PATJ: variants seen among roughly 807,000 people sequenced by gnomAD.
PATJ encodes PATJ crumbs cell polarity complex component, also known as inaD-like protein.
A neutral mutation model predicts 224.9 loss-of-function variants in PATJ; 190 were observed. The ratio of observed to expected loss-of-function variants is 0.84; its 90% confidence interval spans 0.75 to 0.95. PATJ has a LOEUF of 0.95. Among genes scored for constraint, PATJ ranks in the 40% least tolerant of loss-of-function variants. The pLI is 0.00. For synonymous variants in PATJ, 769 were observed against 820.3 expected (o/e 0.94, Z 1.07); for missense variants, 2,121 against 2,270.3 (o/e 0.93, Z 1.34).
chr1:62,035,092 T>C (rs2067881), intron 29 of PATJ, among the ~76,000 whole-genome samples: 57,158 of 152,030 alleles, frequency 0.38, 11,356 homozygotes, highest in Middle Eastern at 0.48. Context: ...AAAGGAATTA[T>C]GACTGGGAAA....
In PATJ at chr1:61,988,902, A is replaced by G. The variant is rs542170322; in HGVS notation, c.3671-1266A>G. On this transcript the variant is annotated intron_variant, in intron 27 of 43. Transcript: ENST00000642238. ...CCCTCCTAAGGACAGCAAATGTAAT[A>G]TAAGTGAAGCATTAGAATGAGCATT... Among the ~76,000 whole-genome samples the G allele has an allele frequency of 4.6e-5, 7 of 152,354 alleles. No homozygotes were observed. The South Asian group carries it at 1.2e-3, about 27-fold the overall frequency.
intron 27 of PATJ, among the ~76,000 whole-genome samples, chr1:61,965,714 T>C (rs568266835): frequency 6.6e-5 from 10 of 152,214 alleles, no homozygotes; most frequent in African/African-American, 2.4e-4. Context: ...GAACTCACAT[T>C]CTGACTCTAG....
rs139988081 is a variant in PATJ, at chr1:61,744,361, G to C, written c.-36+1806G>C. Among the ~76,000 whole-genome samples, 3 of 144,922 alleles carry C rather than the reference G, an allele frequency of 2.1e-5. No homozygotes were observed. The East Asian group carries it at 6.1e-4, about 30-fold the overall frequency. ...CTGAATTACTGCATTCCTAAAGAAA[G>C]AATTTCTTGGGTGGTTATTTTAGTT... On this transcript the variant is annotated intron_variant, in intron 1 of 43. Transcript: ENST00000642238.
intron 22 of PATJ, among the ~76,000 whole-genome samples, chr1:61,886,050 A>C (rs1437590754): frequency 6.6e-6 from 1 of 152,056 alleles, no homozygotes; most frequent in Admixed American, 6.6e-5. Context: ...TGGGGGAGTG[A>C]TAGCATTAGG....
chr1:62,074,213 G>T (rs200900984), intron 31 of PATJ, among the ~76,000 whole-genome samples: 5 of 136,826 alleles, frequency 3.7e-5, no homozygotes, highest in Non-Finnish European at 6.2e-5. Context: ...AAAAAATAGT[G>T]GGGGGAGGGG....
At chr1:61,974,227 T>A (rs1296916454) in intron 27 of PATJ, among the ~76,000 whole-genome samples, 1 of 151,912 alleles carries the variant, frequency 6.6e-6, no homozygotes, top group Admixed American at 6.6e-5. Flanking sequence ...TGGGCGCCTA[T>A]GTGACCACCA....
rs1217319458 is a variant in PATJ, at chr1:61,990,176, A to C, written c.3679A>C (p.Arg1227=). The C allele has an allele frequency of 1.4e-5, 23 of 1,593,180 alleles. No individual in the cohort carries two copies. The highest frequency in any genetic ancestry group is 1.8e-5 in the Non-Finnish European group (21 of 1,174,344). The part of the protein sequence containing the change: ...EEDAFTDQKI[R]QRYADLPGEL... ...AAAAATTCTTTTAATAGAAAAAATCAGACAAAGATATGCAGATCTGCCTGG... is the reference window on the plus strand; with the variant it reads ...AAAAATTCTTTTAATAGAAAAAATCCGACAAAGATATGCAGATCTGCCTGG... Residue 1227 remains arginine, a synonymous_variant, in exon 28 of 44, where the codon AGA becomes CGA. Transcript: ENST00000642238.
intron 41 of PATJ, among the ~76,000 whole-genome samples, chr1:62,130,104 G>A (rs1666108868): frequency 6.6e-6 from 1 of 152,120 alleles, no homozygotes; most frequent in East Asian, 1.9e-4. Context: ...GGAGGCTGAA[G>A]CAGGAGGATC....
At chr1:61,814,519 AGTGTGTGTGT>A (rs67159092) in intron 14 of PATJ, among the ~76,000 whole-genome samples, 15 of 144,060 alleles carry the variant, frequency 1.0e-4, no homozygotes, top group African/African-American at 3.9e-4. Context: ...CCTTTTGTTT[AGTGTGTGTGT>A]GTGTGTGTGT....
intron 1 of PATJ, among the ~76,000 whole-genome samples, chr1:61,744,793 C>T (rs1644941772): frequency 6.6e-6 from 1 of 152,152 alleles, no homozygotes; most frequent in South Asian, 2.1e-4. Flanking sequence ...GCCCTCACTT[C>T]TGATGCCAAT....
intron 31 of PATJ, among the ~76,000 whole-genome samples, chr1:62,052,561 G>A (rs1391765220): frequency 1.3e-5 from 2 of 151,964 alleles, no homozygotes; most frequent in Non-Finnish European, 2.9e-5. Context: ...GACCAACATG[G>A]AGAAACCCCG....
At chr1:62,046,051 A>G (rs550908479) in intron 30 of PATJ, among the ~76,000 whole-genome samples, 7 of 151,986 alleles carry the variant, frequency 4.6e-5, no homozygotes, top group Non-Finnish European at 7.4e-5. Context: ...AATTACAAAA[A>G]ATTAGCCAGG....
At chr1:61,954,414 C>T (rs900841302) in intron 27 of PATJ, among the ~76,000 whole-genome samples, 5 of 152,082 alleles carry the variant, frequency 3.3e-5, no homozygotes, top group African/African-American at 1.2e-4. Flanking sequence ...CATTATTTTA[C>T]ATGGGTTTAT....
At chr1:62,122,513 G>C (rs1558199481) in intron 38 of PATJ, among the ~76,000 whole-genome samples, 1 of 150,850 alleles carries the variant, frequency 6.6e-6, no homozygotes, top group East Asian at 2.0e-4. Flanking sequence ...CTCAAACAGA[G>C]AGCACTTCTT....
At chr1:62,024,500 A>G (rs1009257992) in intron 29 of PATJ, among the ~76,000 whole-genome samples, 1 of 152,134 alleles carries the variant, frequency 6.6e-6, no homozygotes, top group East Asian at 1.9e-4. Flanking sequence ...TTATGCCTAC[A>G]TTTGTTTCAC....
intron 28 of PATJ, among the ~76,000 whole-genome samples, chr1:62,001,130 T>C (rs1645741958): frequency 6.6e-6 from 1 of 151,418 alleles, no homozygotes; most frequent in South Asian, 2.1e-4. Context: ...TTTCTCCCAT[T>C]TTGTAGGTTG....
At chr1:61,754,975 C>G (rs1161620885) in intron 1 of PATJ, among the ~76,000 whole-genome samples, 2 of 152,030 alleles carry the variant, frequency 1.3e-5, no homozygotes, top group Non-Finnish European at 2.9e-5. Context: ...CCAGAATGGT[C>G]TCCAAAATGT....
chr1:61,813,864 A>T (rs1448033581), intron 14 of PATJ, among the ~76,000 whole-genome samples: 1 of 152,142 alleles, frequency 6.6e-6, no homozygotes, highest in Non-Finnish European at 1.5e-5. Flanking sequence ...GTTGTAGAAG[A>T]CTAAAGAGAA....
At chr1:62,062,437 T>C (rs1224715938) in intron 31 of PATJ, among the ~76,000 whole-genome samples, 1 of 129,190 alleles carries the variant, frequency 7.7e-6, no homozygotes, top group Non-Finnish European at 1.7e-5. Flanking sequence ...TGACAGGATC[T>C]CACTGTGTTT....
Sources: allele counts gnomAD v4.1 joint callset (sites outside exome capture counted in the v4.1 genomes callset), GRCh38; gene constraint gnomAD v4.1.1; transcripts MANE v1.5; gene names NCBI Gene and HGNC (gene_info 2026-07-23, HGNC 2026-07-21).